The following DPP10 variants were observed in gnomAD, a reference collection of about 807,000 sequenced individuals.
DPP10 encodes dipeptidyl peptidase like 10.
Under a neutral mutation model 120.9 loss-of-function variants are expected in DPP10, and 33 were observed. The observed-to-expected ratio is 0.27, with a 90% CI of 0.21 to 0.37. The LOEUF is 0.37. Ranked by LOEUF, DPP10 falls within the 10% of genes least tolerant of loss-of-function variation. The pLI is 1.00. For synonymous variants in DPP10, 337 were observed against 326.1 expected (o/e 1.03, Z -0.36); for missense variants, 816 against 942.8 (o/e 0.87, Z 1.76).
chr2:115,608,464 A>T (rs1013950744), intron 5 of DPP10, among the ~76,000 whole-genome samples: 1 of 152,174 alleles, frequency 6.6e-6, no homozygotes, highest in Non-Finnish European at 1.5e-5. Context: ...GTACTCTGTC[A>T]TGAAGAAAAT....
At chr2:114,568,406 C>T (rs1039684646) in intron 1 of DPP10, among the ~76,000 whole-genome samples, 1 of 152,074 alleles carries the variant, frequency 6.6e-6, no homozygotes, top group Non-Finnish European at 1.5e-5. Flanking sequence ...GTAAAATAAG[C>T]CAGGTCTATA....
intron 3 of DPP10, among the ~76,000 whole-genome samples, chr2:115,464,577 A>C (rs2074197402): frequency 6.6e-6 from 1 of 152,096 alleles, no homozygotes; most frequent in Non-Finnish European, 1.5e-5. Context: ...CTGTATGTTG[A>C]AACTGTTTAC....
intron 19 of DPP10, among the ~76,000 whole-genome samples, chr2:115,801,012 A>C (rs1414645388): frequency 1.3e-5 from 2 of 152,206 alleles, no homozygotes; most frequent in African/African-American, 4.8e-5. Flanking sequence ...TTGAATCTAT[A>C]AATTACCTTG....
chr2:114,956,986 C>CAAAAAAAAAAAAAAAAA (rs764400761), intron 1 of DPP10, among the ~76,000 whole-genome samples: 1 of 106,972 alleles, frequency 9.3e-6, no homozygotes, highest in African/African-American at 3.6e-5. Flanking sequence ...TAAAACTATT[C>CAAAAAAAAAAAAAAAAA]AAAAAAAAAA....
intron 1 of DPP10, among the ~76,000 whole-genome samples, chr2:115,036,751 T>C (rs1573388536): frequency 6.6e-6 from 1 of 152,242 alleles, no homozygotes; most frequent in South Asian, 2.1e-4. Flanking sequence ...ATTTTCTATG[T>C]GGATATTCCA....
intron 1 of DPP10, among the ~76,000 whole-genome samples, chr2:114,966,988 T>C (rs1699079197): frequency 6.6e-6 from 1 of 151,914 alleles, no homozygotes; most frequent in South Asian, 2.1e-4. Context: ...GTTGCAGTGA[T>C]CCATGACCAC....
At chr2:115,839,566 C>T (rs900425347) in intron 24 of DPP10, among the ~76,000 whole-genome samples, 8 of 150,088 alleles carry the variant, frequency 5.3e-5, no homozygotes, top group African/African-American at 2.0e-4. Flanking sequence ...CCCAGCTACT[C>T]AGGAGGCTGA....
chr2:114,475,520 C>T (rs1340930488), intron 1 of DPP10, among the ~76,000 whole-genome samples: 1 of 152,044 alleles, frequency 6.6e-6, no homozygotes, highest in Non-Finnish European at 1.5e-5. Flanking sequence ...TCTTTTCTCC[C>T]AGGTCTAATG....
chr2:115,443,867 A>G (rs1027821007), intron 3 of DPP10, among the ~76,000 whole-genome samples: 1 of 152,212 alleles, frequency 6.6e-6, no homozygotes, highest in Non-Finnish European at 1.5e-5. Context: ...TCTTTGTTAC[A>G]GGAGTCTGTT....
intron 1 of DPP10, among the ~76,000 whole-genome samples, chr2:114,770,153 G>A (rs319855): frequency 0.42 from 64,016 of 151,808 alleles, 13,905 homozygotes; most frequent in South Asian, 0.49. Context: ...ACCCATGCAG[G>A]GTTTCTTCCC....
Position 114,866,805 on chromosome 2 carries a change from A to G in DPP10, c.60+423967A>G, listed in dbSNP as rs150956131. 6.2e-4 allele frequency among the ~76,000 whole-genome samples: 94 copies of G among 152,344 alleles called. No individual in the cohort carries two copies. In the East Asian group the frequency reaches 0.014, roughly 23 times the overall value. On this transcript the variant is annotated intron_variant, in intron 1 of 25. Coordinates refer to ENST00000410059, the MANE Select transcript of DPP10 (RefSeq NM_020868.6). ...AAGAATATGCTGTGCTTAAAGTCCA[A>G]GAATTTTCCAAGACCTCTTTGGTTG...
intron 1 of DPP10, among the ~76,000 whole-genome samples, chr2:114,481,653 A>C (rs745502914): frequency 2.6e-5 from 4 of 152,156 alleles, no homozygotes; most frequent in Non-Finnish European, 4.4e-5. Context: ...AACAACTTAG[A>C]TGAGTCTTCA....
chr2:114,649,005 G>A (rs897918035), intron 1 of DPP10, among the ~76,000 whole-genome samples: 62 of 152,170 alleles, frequency 4.1e-4, no homozygotes, highest in African/African-American at 1.4e-3. Context: ...ACTAACGTGG[G>A]CATTAGTGCT....
intron 1 of DPP10, among the ~76,000 whole-genome samples, chr2:114,611,715 T>TC: frequency 6.6e-6 from 1 of 152,334 alleles, no homozygotes; most frequent in Middle Eastern, 3.4e-3. Context: ...TTATTTCCAA[T>TC]CCTTTGTTGA....
At chr2:115,802,470 T>C (rs1172818754) in intron 19 of DPP10, among the ~76,000 whole-genome samples, 1 of 152,216 alleles carries the variant, frequency 6.6e-6, no homozygotes, top group Non-Finnish European at 1.5e-5. Flanking sequence ...TGCCTTCTGC[T>C]AGCTTTTGAA....
chr2:115,018,973 G>A (rs1558999247), intron 1 of DPP10, among the ~76,000 whole-genome samples: 1 of 151,872 alleles, frequency 6.6e-6, no homozygotes, highest in Admixed American at 6.6e-5. Context: ...CACTCCCGGG[G>A]AGGAGCCACA....
intron 21 of DPP10, among the ~76,000 whole-genome samples, chr2:115,827,339 G>GTATATGTATATGTATATGTATATGTA (rs1449508519): frequency 4.9e-5 from 7 of 142,164 alleles, no homozygotes; most frequent in African/African-American, 1.8e-4. Context: ...ATATGTATAT[G>GTATATGTATATGTATATGTATATGTA]TATATATATG....
chr2:115,612,833 A>G (rs1430371436), intron 5 of DPP10, among the ~76,000 whole-genome samples: 2 of 152,076 alleles, frequency 1.3e-5, no homozygotes, highest in Admixed American at 6.6e-5. Flanking sequence ...TAGCTCCGTT[A>G]GATGCATTAA....
chr2:114,579,711 G>C (rs949474693), intron 1 of DPP10, among the ~76,000 whole-genome samples: 18 of 152,184 alleles, frequency 1.2e-4, no homozygotes, highest in African/African-American at 4.1e-4. Context: ...GAAGGGACAG[G>C]TTTCTTTTTA....
Sources: allele counts gnomAD v4.1 joint callset (sites outside exome capture counted in the v4.1 genomes callset), GRCh38; gene constraint gnomAD v4.1.1; transcripts MANE v1.5; gene names NCBI Gene and HGNC (gene_info 2026-07-23, HGNC 2026-07-21).